The following RALGAPA2 variants were observed in gnomAD, a reference collection of about 807,000 sequenced individuals.
RALGAPA2 encodes ral GTPase-activating protein subunit alpha-2.
In RALGAPA2, 139 loss-of-function variants were observed where a neutral mutation model predicts 230.4. That is an observed-to-expected ratio of 0.60 (90% CI 0.53 to 0.69). The LOEUF is 0.69. Ranked by LOEUF, RALGAPA2 falls within the 30% of genes least tolerant of loss-of-function variation. RALGAPA2 has a pLI of 0.00. For missense variants in RALGAPA2, 2,163 were observed against 2,276.0 expected (o/e 0.95, Z 1.01); for synonymous variants, 847 against 837.8 (o/e 1.01, Z -0.19).
intron 23 of RALGAPA2, among the ~76,000 whole-genome samples, chr20:20,567,225 C>T (rs1310775156): frequency 6.6e-6 from 1 of 152,226 alleles, no homozygotes; most frequent in Non-Finnish European, 1.5e-5. Context: ...CCATTTCACA[C>T]ATATTGATCT....
chr20:20,548,125 CCACACACACA>C (rs58279852), intron 23 of RALGAPA2, among the ~76,000 whole-genome samples: 4 of 148,102 alleles, frequency 2.7e-5, no homozygotes, highest in East Asian at 2.0e-4. Context: ...AGCAAAATCT[CCACACACACA>C]CACACACACA....
chr20:20,700,416 G>A (rs544973987), intron 1 of RALGAPA2, among the ~76,000 whole-genome samples: 42 of 152,124 alleles, frequency 2.8e-4, no homozygotes, highest in South Asian at 8.3e-4. Flanking sequence ...ACATACCCAC[G>A]TAACAAACCT....
intron 10 of RALGAPA2, among the ~76,000 whole-genome samples, chr20:20,628,971 G>C (rs1473912230): frequency 2.6e-5 from 4 of 152,150 alleles, no homozygotes; most frequent in Admixed American, 2.6e-4. Flanking sequence ...GCTCCTCAGA[G>C]AGCTCCGTGA....
At chr20:20,653,853 AT>A (rs1429563999) in intron 3 of RALGAPA2, among the ~76,000 whole-genome samples, 1 of 152,150 alleles carries the variant, frequency 6.6e-6, no homozygotes, top group Non-Finnish European at 1.5e-5. Context: ...CTAAAATGTT[AT>A]TTTTATCTTA....
chr20:20,394,349 C>T (rs532970861), intron 39 of RALGAPA2, among the ~76,000 whole-genome samples: 4 of 152,168 alleles, frequency 2.6e-5, no homozygotes, highest in South Asian at 2.1e-4. Flanking sequence ...TCAGTCAGGT[C>T]GGGCATACAG....
rs763440870 is a variant in RALGAPA2 at position 20,629,594 on chromosome 20, G to T, written c.1006-4C>A. On this transcript the variant is annotated splice_polypyrimidine_tract_variant and splice_region_variant and intron_variant, in intron 9 of 39. Transcript: ENST00000202677. ...GCACAGCACCACCACCAACAGTCTG[G>T]AAGAAAGTCAGCACACTTCTCAATG... 7.4e-6 allele frequency: 12 copies of T among 1,612,568 alleles called. No homozygotes were observed. The highest frequency in any genetic ancestry group is 1.0e-5 in the Non-Finnish European group (12 of 1,179,712).
In RALGAPA2 at chr20:20,640,828, C is replaced by G; in HGVS notation, c.423G>C (p.Gln141His). 1 of 1,613,792 alleles carries G rather than the reference C, an allele frequency of 6.2e-7. No homozygotes were observed. The highest frequency in any genetic ancestry group is 8.5e-7 in the Non-Finnish European group (1 of 1,179,784). Reference protein sequence around the residue: ...RLFLLWLQALQTNCAEEQVLI... With the variant: ...RLFLLWLQALHTNCAEEQVLI... Reference sequence around the variant, plus strand: ...GAACCTGCTCTTCTGCACAGTTTGTCTGAAGTGCTTGAAGCCACAGAAGAA... The same window carrying G: ...GAACCTGCTCTTCTGCACAGTTTGTGTGAAGTGCTTGAAGCCACAGAAGAA... Residue 141 changes from glutamine (Q) to histidine (H), a missense_variant, in exon 6 of 40, where the codon CAG becomes CAC. Gln to His is a conservative substitution (Grantham distance 24). Transcript: ENST00000202677.
At chr20:20,554,277 C>A (rs911272767) in intron 23 of RALGAPA2, among the ~76,000 whole-genome samples, 1 of 152,180 alleles carries the variant, frequency 6.6e-6, no homozygotes, top group African/African-American at 2.4e-5. Flanking sequence ...TGTATGGTTT[C>A]TTTTACTTAA....
At chr20:20,670,176 G>T (rs997599256) in intron 3 of RALGAPA2, among the ~76,000 whole-genome samples, 1 of 152,208 alleles carries the variant, frequency 6.6e-6, no homozygotes, top group Admixed American at 6.5e-5. Flanking sequence ...CAGCACCTAC[G>T]TGTGTCTGAC....
At chr20:20,613,330 A>C (rs2066031088) in intron 13 of RALGAPA2, among the ~76,000 whole-genome samples, 2 of 152,174 alleles carry the variant, frequency 1.3e-5, no homozygotes, top group South Asian at 4.1e-4. Context: ...TGCATTCTTC[A>C]TTATTTTCCT....
At chr20:20,553,819 T>A (rs2063998755) in intron 23 of RALGAPA2, among the ~76,000 whole-genome samples, 1 of 152,204 alleles carries the variant, frequency 6.6e-6, no homozygotes, top group Non-Finnish European at 1.5e-5. Context: ...TAACTGCTTA[T>A]CTACAAAGAA....
chr20:20,631,271 T>C (rs1051022292), intron 9 of RALGAPA2, among the ~76,000 whole-genome samples: 1 of 152,242 alleles, frequency 6.6e-6, no homozygotes, highest in African/African-American at 2.4e-5. Context: ...CTGAACGAAG[T>C]CATCTTGGAC....
intron 38 of RALGAPA2, among the ~76,000 whole-genome samples, chr20:20,411,515 C>T (rs909214867): frequency 6.6e-6 from 1 of 152,232 alleles, no homozygotes; most frequent in Non-Finnish European, 1.5e-5. Flanking sequence ...GGCTTGTCCA[C>T]ATGACACAAA....
intron 27 of RALGAPA2, among the ~76,000 whole-genome samples, chr20:20,529,035 T>TA (rs777480898): frequency 3.3e-5 from 5 of 152,328 alleles, no homozygotes; most frequent in Admixed American, 6.5e-5. Flanking sequence ...ATTTATGTGC[T>TA]ATGTCCTTAG....
chr20:20,491,389 C>G (rs1218570847), intron 36 of RALGAPA2, among the ~76,000 whole-genome samples: 1 of 152,162 alleles, frequency 6.6e-6, no homozygotes, highest in Non-Finnish European at 1.5e-5. Context: ...TGCTCCTGCT[C>G]AAGGCTGCTT....
At chr20:20,667,225 T>G (rs1279708441) in intron 3 of RALGAPA2, among the ~76,000 whole-genome samples, 1 of 152,162 alleles carries the variant, frequency 6.6e-6, no homozygotes, top group Non-Finnish European at 1.5e-5. Flanking sequence ...AGGAAAATCA[T>G]TAAAAATTCT....
chr20:20,696,226 C>G lies in RALGAPA2; in HGVS notation c.107-15425G>C, dbSNP rs552638206. On this transcript the variant is annotated intron_variant, in intron 1 of 39. Transcript: ENST00000202677. Reference sequence around the variant, plus strand: ...TGCCTGTCCCCATCTTCCTTAACACCTTTGCTTGCTACAGATTCCACAGCC... The same window carrying G: ...TGCCTGTCCCCATCTTCCTTAACACGTTTGCTTGCTACAGATTCCACAGCC... Among the ~76,000 whole-genome samples the G allele has an allele frequency of 3.9e-5, 6 of 152,276 alleles. No individual in the cohort carries two copies. In the South Asian group the frequency reaches 1.2e-3, roughly 32 times the overall value.
Position 20,605,246 on chromosome 20 carries a change from T to G in RALGAPA2, c.1967A>C (p.Tyr656Ser). 6.2e-7 allele frequency: 1 copy of G among 1,613,940 alleles called. No individual in the cohort carries two copies. The highest frequency in any genetic ancestry group is 8.5e-7 in the Non-Finnish European group (1 of 1,179,848). The stretch of plus-strand genomic sequence containing the variant: ...AGGTAGGTTTGTCATCTCAACTCCA[T>G]AAACGGTTCTTGCAAGCACTGCTGT... ...SLTAVLARTV[Y>S]GVEMTNLPLD... The change falls in exon 15 of 40, where the codon TAT becomes TCT. Residue 656 changes from tyrosine (Y) to serine (S), a missense_variant. Tyr to Ser is a moderately radical substitution (Grantham distance 144). Transcript: ENST00000202677.
chr20:20,453,075 G>A (rs1332713221), intron 37 of RALGAPA2, among the ~76,000 whole-genome samples: 1 of 152,214 alleles, frequency 6.6e-6, no homozygotes, highest in African/African-American at 2.4e-5. Context: ...TGACATAATA[G>A]ATTGTGTTAA....
Sources: gnomAD v4.1 joint callset for allele counts (sites outside exome capture counted in the v4.1 genomes callset) on GRCh38, gnomAD v4.1.1 for gene constraint, MANE v1.5 for transcripts, NCBI Gene and HGNC (gene_info 2026-07-23, HGNC 2026-07-21) for gene names.